The following MICU1 variants were observed in gnomAD, a reference collection of about 807,000 sequenced individuals.
MICU1 encodes the protein calcium uptake protein 1, mitochondrial.
Under a neutral mutation model 56.8 loss-of-function variants are expected in MICU1, and 45 were observed. The ratio of observed to expected loss-of-function variants is 0.79; its 90% CI spans 0.62 to 1.02. The LOEUF (loss-of-function observed/expected upper bound fraction) is 1.02, where lower values mean the gene tolerates loss of function less well. MICU1 is among the 50% of genes least tolerant of loss of function. The probability of loss-of-function intolerance (pLI) is 0.00; values close to 1 mark genes in which losing one functional copy is unlikely to be tolerated. For synonymous variants in MICU1, 186 were observed against 195.1 expected (o/e 0.95, Z 0.39); for missense variants, 504 against 587.1 (o/e 0.86, Z 1.46).
chr10:72,594,981 G>A (rs537691790), intron 1 of MICU1, among the ~76,000 whole-genome samples: 5 of 119,350 alleles, frequency 4.2e-5, no homozygotes, highest in African/African-American at 6.3e-5. Flanking sequence ...AAAGAAAATC[G>A]AATACAAGAC....
intron 8 of MICU1, among the ~76,000 whole-genome samples, chr10:72,427,738 AT>A (rs1564861512): frequency 1.0e-3 from 21 of 20,620 alleles, no homozygotes; most frequent in African/African-American, 3.8e-3. Flanking sequence ...TCTAAAATAT[AT>A]ATATATATAT....
intron 8 of MICU1, among the ~76,000 whole-genome samples, chr10:72,460,540 A>T (rs1226874178): frequency 6.6e-6 from 1 of 152,210 alleles, no homozygotes; most frequent in Admixed American, 6.5e-5. Context: ...AAGAGACTTG[A>T]CAAATATTCA....
At chr10:72,481,064 G>A (rs1866279396) in intron 6 of MICU1, among the ~76,000 whole-genome samples, 1 of 152,188 alleles carries the variant, frequency 6.6e-6, no homozygotes, top group Non-Finnish European at 1.5e-5. Context: ...CACTGCTGAG[G>A]CAAGCTGGGC....
chr10:72,543,712 GGGCATGGTGGCA>G (rs1839829528), intron 4 of MICU1, among the ~76,000 whole-genome samples: 2 of 152,066 alleles, frequency 1.3e-5, no homozygotes, highest in Non-Finnish European at 2.9e-5. Flanking sequence ...AAAATTGGCT[GGGCATGGTGGCA>G]GGCGCCTGTA....
intron 5 of MICU1, among the ~76,000 whole-genome samples, chr10:72,529,834 T>C (rs1839423081): frequency 6.6e-6 from 1 of 151,110 alleles, no homozygotes; most frequent in East Asian, 1.9e-4. Context: ...TCATAAAAGA[T>C]GATAAATGAA....
chr10:72,550,141 T>C (rs1282505390), intron 4 of MICU1, among the ~76,000 whole-genome samples: 3 of 152,158 alleles, frequency 2.0e-5, no homozygotes, highest in African/African-American at 7.2e-5. Flanking sequence ...AAAATAAATT[T>C]AGTGTAGTCT....
chr10:72,545,299 A>G (rs527665397), intron 4 of MICU1, among the ~76,000 whole-genome samples: 2 of 152,324 alleles, frequency 1.3e-5, no homozygotes, highest in East Asian at 3.9e-4. Context: ...ATATTTGAAG[A>G]GATTATTCTG....
chr10:72,585,957 A>AC (rs977317622), intron 1 of MICU1, among the ~76,000 whole-genome samples: 11 of 131,458 alleles, frequency 8.4e-5, no homozygotes, highest in African/African-American at 3.1e-4. Flanking sequence ...TATACATTGT[A>AC]TTTTTAATTT....
At chr10:72,566,039 C>CTTT (rs11376019) in intron 2 of MICU1, among the ~76,000 whole-genome samples, 844 of 69,744 alleles carry the variant, frequency 0.012, 17 homozygotes, top group African/African-American at 0.015. Flanking sequence ...CATTCATTTT[C>CTTT]TTTTTTTTTT....
At chr10:72,373,180 ATT>A (rs751527368) in intron 11 of MICU1, among the ~76,000 whole-genome samples, 22 of 133,200 alleles carry the variant, frequency 1.7e-4, no homozygotes, top group Admixed American at 1.5e-4. Context: ...TTGTTTGTTC[ATT>A]TTTTTTTTTT....
chr10:72,608,822 A>G (rs916022289), intron 1 of MICU1, among the ~76,000 whole-genome samples: 2 of 152,290 alleles, frequency 1.3e-5, no homozygotes, highest in African/African-American at 2.4e-5. Context: ...CAGGCACCCA[A>G]CTGTTCAAAC....
intron 4 of MICU1, among the ~76,000 whole-genome samples, chr10:72,543,500 C>T (rs1839823137): frequency 9.4e-6 from 1 of 106,646 alleles, no homozygotes; most frequent in Admixed American, 8.7e-5. Context: ...ATAGCGAGAC[C>T]CCATCTCAAT....
At chr10:72,528,095 C>T (rs1198170995) in intron 5 of MICU1, among the ~76,000 whole-genome samples, 4 of 152,084 alleles carry the variant, frequency 2.6e-5, no homozygotes, top group South Asian at 4.1e-4. Context: ...CAAAGTGCCG[C>T]GATTACAGGC....
chr10:72,566,851 A>G, intron 1 of MICU1, 57 bp from the exon 2 acceptor site: 2 of 1,433,026 alleles, frequency 1.4e-6, no homozygotes, highest in Non-Finnish European at 9.5e-7. Context: ...GATGATGATG[A>G]TGATGATCCT....
chr10:72,544,108 C>CCCTCT (rs1839840783), intron 4 of MICU1, among the ~76,000 whole-genome samples: 1 of 114,054 alleles, frequency 8.8e-6, no homozygotes, highest in South Asian at 2.6e-4. Flanking sequence ...CTGTGAAAAT[C>CCCTCT]CCTGTCCTGT....
chr10:72,527,638 C>T (rs753120522), intron 5 of MICU1, among the ~76,000 whole-genome samples: 2 of 151,950 alleles, frequency 1.3e-5, no homozygotes, highest in Non-Finnish European at 2.9e-5. Context: ...CATGAGCCAC[C>T]GTGCCCAGCC....
At chr10:72,449,656 GT>G (rs112409079) in intron 8 of MICU1, among the ~76,000 whole-genome samples, 15 of 151,188 alleles carry the variant, frequency 9.9e-5, no homozygotes, top group Admixed American at 5.9e-4. Flanking sequence ...GTTTTCTTTA[GT>G]TTTTTTTTAA....
At chr10:72,408,089 A>C in intron 9 of MICU1, 52 bp from the exon 10 acceptor site, 1 of 1,137,914 alleles carries the variant, frequency 8.8e-7, no homozygotes, top group Non-Finnish European at 1.3e-6. Context: ...AAAAAGCAGC[A>C]CGATATGCAT....
chr10:72,371,031 A>G (rs78418219), intron 11 of MICU1, among the ~76,000 whole-genome samples: 8 of 150,504 alleles, frequency 5.3e-5, no homozygotes, highest in African/African-American at 2.0e-4. Context: ...ACTCTGTCTC[A>G]AAAAAAAAGA....
Sources: allele counts gnomAD v4.1 joint callset (sites outside exome capture counted in the v4.1 genomes callset), GRCh38; gene constraint gnomAD v4.1.1; transcripts MANE v1.5; gene names NCBI Gene and HGNC (gene_info 2026-07-23, HGNC 2026-07-21).